Variants in PDE1A observed in about 807,000 individuals in gnomAD.
PDE1A encodes the protein dual specificity calcium/calmodulin-dependent 3',5'-cyclic nucleotide phosphodiesterase 1A.
Under a neutral mutation model 61.7 loss-of-function variants are expected in PDE1A, and 35 were observed. That is an observed-to-expected ratio of 0.57 (90% CI 0.43 to 0.75). The LOEUF is 0.75. PDE1A is among the 30% of genes least tolerant of loss of function. The pLI is 0.00. For missense variants in PDE1A, 597 were observed against 630.6 expected (o/e 0.95, Z 0.57); for synonymous variants, 232 against 213.2 (o/e 1.09, Z -0.77).
At chr2:182,671,338 A>ATTTTTTTTTT in the PDE1A span, among the ~76,000 whole-genome samples, 227 of 75,204 alleles carry the variant, frequency 3.0e-3, no homozygotes, top group South Asian at 4.2e-3. Flanking sequence ...CGACTGGCTA[A>ATTTTTTTTTT]TTTTTTTTTT....
At chr2:182,604,722 T>C in the PDE1A span, among the ~76,000 whole-genome samples, 3 of 152,188 alleles carry the variant, frequency 2.0e-5, no homozygotes, top group East Asian at 1.9e-4. Context: ...ATGCCATATA[T>C]ATAAAATAGC....
chr2:182,380,463 T>C (rs1188011071), intron 1 of PDE1A, among the ~76,000 whole-genome samples: 4 of 152,112 alleles, frequency 2.6e-5, no homozygotes, highest in Admixed American at 6.5e-5. Context: ...CCGGGTAAAA[T>C]AGATCATGCC....
At chr2:182,327,640 T>A (rs1697132837) in intron 1 of PDE1A, among the ~76,000 whole-genome samples, 1 of 152,212 alleles carries the variant, frequency 6.6e-6, no homozygotes, top group African/African-American at 2.4e-5. Flanking sequence ...ATAAACAGAC[T>A]GAGCTATGAC....
At chr2:182,523,317 G>A (rs994650935), upstream of PDE1A, 9 of 152,158 alleles carry the variant, frequency 5.9e-5, no homozygotes, top group Non-Finnish European at 1.0e-4. Context: ...GAAAGGGAGA[G>A]AGGGACAAGA....
At chr2:182,383,746 A>G (rs1319484668) in intron 1 of PDE1A, among the ~76,000 whole-genome samples, 1 of 152,222 alleles carries the variant, frequency 6.6e-6, no homozygotes, top group Non-Finnish European at 1.5e-5. Flanking sequence ...AAACAGTGAG[A>G]AAAGATATAA....
At chr2:182,291,038 T>C (rs1358574087) in intron 1 of PDE1A, among the ~76,000 whole-genome samples, 1 of 152,066 alleles carries the variant, frequency 6.6e-6, no homozygotes, top group East Asian at 1.9e-4. Context: ...TGCCACTGAT[T>C]CTCCATCATA....
intron 1 of PDE1A, among the ~76,000 whole-genome samples, chr2:182,421,723 G>A (rs1280747356): frequency 6.6e-6 from 1 of 152,018 alleles, no homozygotes; most frequent in East Asian, 1.9e-4. Context: ...AAATAACAAG[G>A]CACTGTAATG....
At chr2:182,593,689 T>G in the PDE1A span, among the ~76,000 whole-genome samples, 2 of 152,328 alleles carry the variant, frequency 1.3e-5, no homozygotes, top group East Asian at 3.9e-4. Flanking sequence ...ACATGTTACA[T>G]GAAATAAAGT....
intron 2 of PDE1A, among the ~76,000 whole-genome samples, chr2:182,517,058 C>T (rs531384408): frequency 6.6e-6 from 1 of 152,080 alleles, no homozygotes; most frequent in Non-Finnish European, 1.5e-5. Flanking sequence ...CTGCCTACCC[C>T]AAGCCTGGGA....
the PDE1A span, among the ~76,000 whole-genome samples, chr2:182,555,881 C>G: frequency 2.9e-5 from 4 of 139,412 alleles, no homozygotes; most frequent in African/African-American, 1.1e-4. Context: ...GCAGGAGAAT[C>G]GCTTGGACCC....
At chr2:182,669,292 T>C in the PDE1A span, among the ~76,000 whole-genome samples, 1 of 152,228 alleles carries the variant, frequency 6.6e-6, no homozygotes, top group Non-Finnish European at 1.5e-5. Context: ...GTGTGACTTT[T>C]AATACAATAG....
chr2:182,189,080 T>C lies in PDE1A; in HGVS notation c.1126-20A>G, dbSNP rs377222485. 3.3e-5 allele frequency: 52 copies of C among 1,561,532 alleles called. No individual in the cohort carries two copies. Among genetic ancestry groups the C allele is most frequent in the Non-Finnish European group, 4.1e-5 (47 of 1,134,628 alleles). ...ATCTCCCTGGAGAAAGAAAAGCACA[T>C]TAATATAGACTTGGGTTGGAGAAGC... is the stretch of plus-strand genomic sequence containing the variant. On this transcript the variant is annotated intron_variant, in intron 10 of 13. Transcript: ENST00000351439.
intron 2 of PDE1A, among the ~76,000 whole-genome samples, chr2:182,496,248 A>T (rs1688705970): frequency 6.6e-6 from 1 of 151,932 alleles, no homozygotes; most frequent in Non-Finnish European, 1.5e-5. Flanking sequence ...AGGCTACAAA[A>T]TATTGTCCAG....
intron 1 of PDE1A, among the ~76,000 whole-genome samples, chr2:182,282,520 C>G (rs578061432): frequency 6.6e-6 from 1 of 152,012 alleles, no homozygotes; most frequent in East Asian, 1.9e-4. Context: ...ACATTCTCAC[C>G]AAATTTCAAC....
chr2:182,705,418 A>C, the PDE1A span, among the ~76,000 whole-genome samples: 1 of 152,234 alleles, frequency 6.6e-6, no homozygotes, highest in African/African-American at 2.4e-5. Context: ...ATGCTAATTA[A>C]GAAAACCAAA....
chr2:182,658,047 T>TAAAAAAAAAAAAAA, the PDE1A span, among the ~76,000 whole-genome samples: 28 of 66,662 alleles, frequency 4.2e-4, 3 homozygotes, highest in African/African-American at 1.6e-3. Flanking sequence ...AGCTTCTCAG[T>TAAAAAAAAAAAAAA]AAAAAAAAAA....
downstream of PDE1A, among the ~76,000 whole-genome samples, chr2:182,143,449 C>G (rs1690323887): frequency 6.6e-6 from 1 of 151,962 alleles, no homozygotes; most frequent in Non-Finnish European, 1.5e-5. Flanking sequence ...TCACATTGCA[C>G]TTTACATACC....
intron 1 of PDE1A, among the ~76,000 whole-genome samples, chr2:182,327,392 A>G (rs1160522414): frequency 6.6e-6 from 1 of 152,240 alleles, no homozygotes; most frequent in African/African-American, 2.4e-5. Context: ...TCAGAAGTCA[A>G]TTAAATCCCT....
chr2:182,592,409 G>A, the PDE1A span, among the ~76,000 whole-genome samples: 1 of 152,172 alleles, frequency 6.6e-6, no homozygotes, highest in Non-Finnish European at 1.5e-5. Flanking sequence ...ATAAATATTT[G>A]AGTATTAAGA....
Sources: gnomAD v4.1 joint callset for allele counts (sites outside exome capture counted in the v4.1 genomes callset) on GRCh38, gnomAD v4.1.1 for gene constraint, MANE v1.5 for transcripts, NCBI Gene and HGNC (gene_info 2026-07-23, HGNC 2026-07-21) for gene names.